Variants in LPP observed in about 807,000 individuals in gnomAD.
The protein encoded by LPP is lipoma-preferred partner.
A neutral mutation model predicts 60.4 loss-of-function variants in LPP; 38 were observed. The ratio of observed to expected loss-of-function variants is 0.63; its 90% CI spans 0.49 to 0.83. The LOEUF (loss-of-function observed/expected upper bound fraction) is 0.83. LPP is among the 40% of genes least tolerant of loss of function. The pLI, the probability that LPP is intolerant of heterozygous loss-of-function variation, is 0.00. For missense variants in LPP, 902 were observed against 783.6 expected (o/e 1.15, Z -1.80); for synonymous variants, 328 against 290.8 (o/e 1.13, Z -1.30).
chr3:188,341,525 T>C, intron 2 of LPP, 138 bp from the exon 3 acceptor site: 1 of 173,134 alleles, frequency 5.8e-6, no homozygotes, highest in Non-Finnish European at 1.1e-5. Context: ...ATCGGGTTCC[T>C]GTGGGGTGCA....
rs138766549 is a variant in LPP at position 188,860,977 on chromosome 3, TG to T, written c.1411-5222del. On this transcript the variant is annotated intron_variant, in intron 9 of 11. Coordinates refer to ENST00000617246, the MANE Select transcript of LPP (RefSeq NM_001375462.1). ...GGACAGAGAATTAGGAGACCTTTAT[TG>T]TAACTCCCAATCTGTCACTAGCTGT... Among the ~76,000 whole-genome samples the T allele has an allele frequency of 6.5e-3, 996 of 152,332 alleles. 12 individuals are homozygous for T. Among genetic ancestry groups the T allele is most frequent in the African/African-American group, 0.023 (936 of 41,574 alleles).
rs573073700 is a variant in LPP at position 188,783,564 on chromosome 3, G to T, written c.1410+23282G>T. 7.2e-4 allele frequency among the ~76,000 whole-genome samples: 16 copies of T among 22,226 alleles called. 1 individual carries two copies. The Middle Eastern group carries it at 0.037, about 51-fold the overall frequency. 14.6% of individuals were successfully genotyped at this position (22,226 alleles called of 152,430 possible). On this transcript the variant is annotated intron_variant, in intron 9 of 11. Transcript: ENST00000617246. ...CACTGGGATCTACTTGAGGGTGGAG[G>T]GGGAGAGGAGGGAGAGGAATGAAGA...
intron 2 of LPP, chr3:188,239,739 G>A (rs1723208122): frequency 4.6e-6 from 1 of 217,248 alleles, no homozygotes; most frequent in Non-Finnish European, 9.2e-6. Flanking sequence ...AAATAAACAA[G>A]CACAAATTAG....
chr3:188,374,847 C>T (rs1450448185), intron 3 of LPP, among the ~76,000 whole-genome samples: 1 of 152,150 alleles, frequency 6.6e-6, no homozygotes, highest in East Asian at 1.9e-4. Context: ...GTGGGTTTGT[C>T]ATAGATAGCT....
At chr3:188,719,749 C>T (rs1024480482) in intron 8 of LPP, among the ~76,000 whole-genome samples, 5 of 152,174 alleles carry the variant, frequency 3.3e-5, no homozygotes, top group Non-Finnish European at 7.4e-5. Context: ...ATCATTCCCC[C>T]AACCTGCACT....
chr3:188,291,920 T>A (rs1746124544), intron 2 of LPP, among the ~76,000 whole-genome samples: 1 of 152,168 alleles, frequency 6.6e-6, no homozygotes, highest in Non-Finnish European at 1.5e-5. Context: ...CCTGATTTGA[T>A]TGTAAGGAGG....
chr3:188,775,060 T>C (rs1019723299), intron 9 of LPP, among the ~76,000 whole-genome samples: 1 of 151,384 alleles, frequency 6.6e-6, no homozygotes, highest in African/African-American at 2.4e-5. Flanking sequence ...TTAGTGTTTT[T>C]TTTTTTTTTT....
chr3:188,801,054 TCA>T (rs1441442653), intron 9 of LPP, among the ~76,000 whole-genome samples: 1 of 152,102 alleles, frequency 6.6e-6, no homozygotes, highest in Non-Finnish European at 1.5e-5. Flanking sequence ...TTCTCCGAAC[TCA>T]CACACACACT....
chr3:188,739,390 T>C (rs1723637749), intron 8 of LPP, among the ~76,000 whole-genome samples: 1 of 152,074 alleles, frequency 6.6e-6, no homozygotes, highest in South Asian at 2.1e-4. Context: ...TGATTGTCGT[T>C]GGTGGAAATG....
chr3:188,810,810 G>T (rs146551191), intron 9 of LPP, among the ~76,000 whole-genome samples: 1 of 152,060 alleles, frequency 6.6e-6, no homozygotes, highest in African/African-American at 2.4e-5. Flanking sequence ...TGTATGGGTG[G>T]GAGTGGTGCT....
At chr3:188,168,402 A>T (rs1398843850) in intron 1 of LPP, among the ~76,000 whole-genome samples, 2 of 152,216 alleles carry the variant, frequency 1.3e-5, no homozygotes, top group Non-Finnish European at 2.9e-5. Flanking sequence ...GTGATGTTAA[A>T]GAACATCTCT....
chr3:188,528,834 G>T (rs922579170), intron 6 of LPP, among the ~76,000 whole-genome samples: 18 of 152,100 alleles, frequency 1.2e-4, no homozygotes, highest in Non-Finnish European at 2.1e-4. Flanking sequence ...CTTTGTTTTT[G>T]TAATGATTTT....
intron 2 of LPP, among the ~76,000 whole-genome samples, chr3:188,248,692 A>G (rs549087243): frequency 1.3e-5 from 2 of 151,754 alleles, no homozygotes; most frequent in East Asian, 3.9e-4. Flanking sequence ...CTGATTCATT[A>G]ATTTTTCCTT....
At chr3:188,356,309 C>T (rs1024414448) in intron 3 of LPP, among the ~76,000 whole-genome samples, 2 of 152,272 alleles carry the variant, frequency 1.3e-5, no homozygotes, top group South Asian at 4.1e-4. Flanking sequence ...ATGCTACTCA[C>T]TAGTTCGTGG....
intron 6 of LPP, among the ~76,000 whole-genome samples, chr3:188,558,769 A>G (rs751298780): frequency 1.1e-4 from 16 of 152,094 alleles, no homozygotes; most frequent in Non-Finnish European, 1.9e-4. Flanking sequence ...AAAAAAGTGG[A>G]ATAAAACCAC....
chr3:188,557,226 A>C (rs762173258), intron 6 of LPP, among the ~76,000 whole-genome samples: 13 of 152,100 alleles, frequency 8.5e-5, no homozygotes, highest in Non-Finnish European at 1.9e-4. Flanking sequence ...AAAAAAAAAG[A>C]TGGTTTGATA....
intron 1 of LPP, among the ~76,000 whole-genome samples, chr3:188,194,151 G>A (rs528686546): frequency 4.1e-4 from 62 of 152,324 alleles, no homozygotes; most frequent in African/African-American, 1.4e-3. Flanking sequence ...GTTAGCCATG[G>A]GCTATTGAGG....
At chr3:188,369,336 CT>C (rs1276950684) in intron 3 of LPP, among the ~76,000 whole-genome samples, 1 of 151,350 alleles carries the variant, frequency 6.6e-6, no homozygotes, top group Non-Finnish European at 1.5e-5. Flanking sequence ...TGCTAATGTA[CT>C]TGTGAAGGCA....
At position 188,885,107 on chromosome 3, in the gene LPP, G is replaced by A. The variant is rs1474525887; in HGVS notation, c.*10628G>A. ...TCTCTTGAGCTGCGTCCCTCAGGAA[G>A]CTGTACCTTTAGGGTGTGCTTTCCA... On this transcript the variant is annotated 3_prime_UTR_variant, in exon 12 of 12. Coordinates refer to ENST00000617246, the MANE Select transcript of LPP (RefSeq NM_001375462.1). The A allele has an allele frequency of 4.7e-6, 1 of 213,750 alleles. No homozygotes were observed. The highest frequency in any genetic ancestry group is 2.3e-5 in the African/African-American group (1 of 44,224). The allele number at this position is 213,750 out of a possible 1,614,324, so 13.2% of individuals were successfully genotyped here.
Sources: gnomAD v4.1 joint callset for allele counts (sites outside exome capture counted in the v4.1 genomes callset) on GRCh38, gnomAD v4.1.1 for gene constraint, MANE v1.5 for transcripts, NCBI Gene and HGNC (gene_info 2026-07-23, HGNC 2026-07-21) for gene names.